The following ST3GAL2 variants were observed in gnomAD, a reference collection of about 807,000 sequenced individuals.
ST3GAL2 encodes ST3 beta-galactoside alpha-2,3-sialyltransferase 2.
ST3GAL2 carries 16 observed loss-of-function variants against 37.5 expected under a neutral mutation model. The ratio of observed to expected loss-of-function variants is 0.43; its 90% CI spans 0.29 to 0.65. The LOEUF is 0.65. Among genes scored for constraint, ST3GAL2 ranks in the 30% least tolerant of loss-of-function variants. The probability of loss-of-function intolerance (pLI) is 0.17; values close to 1 mark genes in which losing one functional copy is unlikely to be tolerated. For missense variants in ST3GAL2, 383 were observed against 487.8 expected (o/e 0.79, Z 2.02); for synonymous variants, 238 against 202.9 (o/e 1.17, Z -1.47).
rs1245292755 is a variant in ST3GAL2 at position 70,379,002 on chromosome 16, A to C, written c.*2687T>G. ...AACAGAACAAGACTCTGTCTCAATA[A>C]ATAAATAAATTAAATAAATAAAAAT... is the stretch of plus-strand genomic sequence containing the variant. On this transcript the variant is annotated 3_prime_UTR_variant, in exon 7 of 7. Transcript: ENST00000342907. 6.6e-6 allele frequency: 1 copy of C among 152,174 alleles called. No individual in the cohort carries two copies. The highest frequency in any genetic ancestry group is 1.5e-5 in the Non-Finnish European group (1 of 68,084). The allele number at this position is 152,174 out of a possible 1,614,324, so 9.4% of individuals were successfully genotyped here.
chr16:70,419,865 G>T (rs2151674124), intron 1 of ST3GAL2, among the ~76,000 whole-genome samples: 1 of 152,210 alleles, frequency 6.6e-6, no homozygotes, highest in African/African-American at 2.4e-5. Flanking sequence ...CCAAGGTGGG[G>T]TGTCCGCCAG....
chr16:70,425,386 C>T (rs2047742814), intron 1 of ST3GAL2, among the ~76,000 whole-genome samples: 1 of 152,008 alleles, frequency 6.6e-6, no homozygotes, highest in East Asian at 1.9e-4. Flanking sequence ...TGCTTGAACC[C>T]AGGAGGCAGA....
intron 1 of ST3GAL2, among the ~76,000 whole-genome samples, chr16:70,427,895 G>A (rs567991070): frequency 5.3e-5 from 8 of 152,200 alleles, no homozygotes; most frequent in South Asian, 4.1e-4. Flanking sequence ...TCTACTAAAC[G>A]GACCCCCTTC....
chr16:70,408,696 C>T (rs1455286424), intron 1 of ST3GAL2, among the ~76,000 whole-genome samples: 1 of 151,846 alleles, frequency 6.6e-6, no homozygotes, highest in Non-Finnish European at 1.5e-5. Context: ...GAAATCTCAG[C>T]TCTGGTACCT....
intron 4 of ST3GAL2, among the ~76,000 whole-genome samples, chr16:70,386,188 T>TA (rs1491447396): frequency 2.8e-5 from 4 of 144,612 alleles, no homozygotes; most frequent in African/African-American, 1.0e-4. Flanking sequence ...ACCCAGCTAG[T>TA]TTTTTTTTTT....
intron 1 of ST3GAL2, among the ~76,000 whole-genome samples, chr16:70,437,487 AT>A (rs1288973022): frequency 6.9e-6 from 1 of 144,980 alleles, no homozygotes; most frequent in Non-Finnish European, 1.5e-5. Context: ...ATGGATGACT[AT>A]CCCCCTCTGC....
chr16:70,417,562 C>CAGA (rs1404544364), intron 1 of ST3GAL2, among the ~76,000 whole-genome samples: 1 of 152,224 alleles, frequency 6.6e-6, no homozygotes, highest in African/African-American at 2.4e-5. Context: ...GGCTGGAGGC[C>CAGA]AGACAGCCAC....
At position 70,376,642 on chromosome 16, in the gene ST3GAL2, T is replaced by C. The variant is rs2047347836; in HGVS notation, c.*5047A>G. 6.6e-6 allele frequency: 1 copy of C among 152,236 alleles called. No homozygotes were observed. The highest frequency in any genetic ancestry group is 1.5e-5 in the Non-Finnish European group (1 of 68,048). The allele number at this position is 152,236 out of a possible 1,614,324, so 9.4% of individuals were successfully genotyped here. A position where few individuals can be genotyped will look rare whatever the true frequency, so the allele number is the denominator to read the frequency against. ...TCACACTCAAAAGGGAATACTTTTATTTTTAAAAATATAGTTTCAGTATTT... is the reference window on the plus strand; with the variant it reads ...TCACACTCAAAAGGGAATACTTTTACTTTTAAAAATATAGTTTCAGTATTT... On this transcript the variant is annotated 3_prime_UTR_variant, in exon 7 of 7. Transcript: ENST00000342907.
chr16:70,436,458 G>GAAAAAAAAA (rs58205790), intron 1 of ST3GAL2, among the ~76,000 whole-genome samples: 1 of 112,370 alleles, frequency 8.9e-6, no homozygotes, highest in African/African-American at 3.5e-5. Flanking sequence ...CTCAAAAAAA[G>GAAAAAAAAA]AAAAAAAAAA....
chr16:70,431,117 G>A (rs2047786961), intron 1 of ST3GAL2, among the ~76,000 whole-genome samples: 1 of 150,402 alleles, frequency 6.6e-6, no homozygotes, highest in South Asian at 2.1e-4. Flanking sequence ...GGCAGCAGGG[G>A]GTGGAGAGGT....
intron 1 of ST3GAL2, among the ~76,000 whole-genome samples, chr16:70,407,968 C>T (rs895592254): frequency 7.9e-5 from 12 of 152,070 alleles, no homozygotes; most frequent in African/African-American, 2.9e-4. Flanking sequence ...CTGCTTGCCT[C>T]TGGGAGGGAG....
In ST3GAL2 at chr16:70,407,938, G is replaced by T. The variant is rs542369045; in HGVS notation, c.-1003-8405C>A. Reference sequence around the variant, plus strand: ...GAAAAGAAACGTCAAAATAAGGCACGGAGCCTGGGGGGATGGGTGCTGCTT... The same window carrying T: ...GAAAAGAAACGTCAAAATAAGGCACTGAGCCTGGGGGGATGGGTGCTGCTT... On this transcript the variant is annotated intron_variant, in intron 1 of 6. Transcript: ENST00000342907. Among the ~76,000 whole-genome samples, 136 of 152,210 alleles carry T rather than the reference G, an allele frequency of 8.9e-4. 1 individual carries two copies. Among genetic ancestry groups the T allele is most frequent in the African/African-American group, 2.5e-3 (104 of 41,534 alleles).
In ST3GAL2 at chr16:70,428,463, A is replaced by G. The variant is rs535766663; in HGVS notation, c.-1004+10486T>C. Among the ~76,000 whole-genome samples the G allele has an allele frequency of 3.3e-5, 5 of 151,622 alleles. No individual in the cohort carries two copies. In the East Asian group the frequency reaches 5.8e-4, roughly 18 times the overall value. On this transcript the variant is annotated intron_variant, in intron 1 of 6. Coordinates refer to ENST00000342907, the MANE Select transcript of ST3GAL2 (RefSeq NM_006927.4). ...GCCTGTGAACAAACTGCCATTAACA[A>G]CCCCTCCCCCGCTTCCTGTAAGCAC...
At chr16:70,412,135 C>T (rs2047642514) in intron 1 of ST3GAL2, among the ~76,000 whole-genome samples, 1 of 152,174 alleles carries the variant, frequency 6.6e-6, no homozygotes, top group Non-Finnish European at 1.5e-5. Flanking sequence ...ATTCTTTCAG[C>T]AAAGGTCTGT....
intron 1 of ST3GAL2, among the ~76,000 whole-genome samples, chr16:70,405,258 A>T (rs2047581753): frequency 6.6e-6 from 1 of 152,144 alleles, no homozygotes; most frequent in Admixed American, 6.5e-5. Flanking sequence ...GGAGCCAGGC[A>T]CAGCCTGGTG....
chr16:70,429,840 G>A (rs2047777387), intron 1 of ST3GAL2, among the ~76,000 whole-genome samples: 1 of 151,736 alleles, frequency 6.6e-6, no homozygotes, highest in African/African-American at 2.4e-5. Context: ...ATAGGGTTTT[G>A]CCATATTGGC....
At chr16:70,382,721 CCT>C (rs2047414666) in intron 6 of ST3GAL2, 82 bp downstream of exon 6, 2 of 1,582,952 alleles carry the variant, frequency 1.3e-6, no homozygotes, top group African/African-American at 1.3e-5. Context: ...GAAGCACATT[CCT>C]CTGTTAGCCT....
chr16:70,387,479 C>G (rs1163560535), intron 4 of ST3GAL2, among the ~76,000 whole-genome samples: 1 of 151,486 alleles, frequency 6.6e-6, no homozygotes, highest in South Asian at 2.1e-4. Context: ...CTCTTAAACT[C>G]GGGAGGTAGA....
At chr16:70,389,305 T>C (rs993964919) in intron 3 of ST3GAL2, among the ~76,000 whole-genome samples, 1 of 150,994 alleles carries the variant, frequency 6.6e-6, no homozygotes, top group African/African-American at 2.4e-5. Context: ...TATTTACTTT[T>C]AATTATTATT....
Sources: allele counts gnomAD v4.1 joint callset (sites outside exome capture counted in the v4.1 genomes callset), GRCh38; gene constraint gnomAD v4.1.1; transcripts MANE v1.5; gene names NCBI Gene and HGNC (gene_info 2026-07-23, HGNC 2026-07-21).